KRABD4: variants seen among roughly 807,000 people sequenced by gnomAD.
The protein encoded by KRABD4 is KRAB domain containing 4.
chrX:46,473,468 T>C, the KRABD4 span: 1 of 1,002,211 alleles, frequency 1.0e-6, no homozygotes, highest in Non-Finnish European at 1.4e-6. Flanking sequence ...CAACTCTCAT[T>C]AAACATCAGA....
the KRABD4 span, chrX:46,463,473 C>T: frequency 1.9e-6 from 1 of 518,109 alleles, no homozygotes; most frequent in Non-Finnish European, 3.4e-6. Context: ...CCGCCGGTTA[C>T]AGTCTCTGTG....
the KRABD4 span, chrX:46,455,261 C>T: frequency 3.0e-5 from 28 of 942,700 alleles, no homozygotes; most frequent in African/African-American, 2.5e-4. Context: ...TCTTCATGCT[C>T]GTGCTTCTGT....
chrX:46,450,433 C>G, the KRABD4 span: 3 of 1,198,573 alleles, frequency 2.5e-6, no homozygotes, highest in Non-Finnish European at 3.4e-6. Context: ...CTTTATAGAT[C>G]TCCATCCTTT....
the KRABD4 span, among the ~76,000 whole-genome samples, chrX:46,463,663 A>G: frequency 9.0e-6 from 1 of 111,231 alleles, no homozygotes; most frequent in Non-Finnish European, 1.9e-5. Context: ...TTTTCACCAT[A>G]GTAGATGTAT....
At chrX:46,450,743 C>T in the KRABD4 span, among the ~76,000 whole-genome samples, 2 of 101,715 alleles carry the variant, frequency 2.0e-5, no homozygotes, top group Admixed American at 1.1e-4. Context: ...CACTCTATCA[C>T]CCAGGCTGGA....
chrX:46,456,248 T>TAA, the KRABD4 span: 3 of 109,911 alleles, frequency 2.7e-5, no homozygotes, highest in Non-Finnish European at 5.6e-5. Flanking sequence ...TTAAATGGGA[T>TAA]AAATAATCAT....
At chrX:46,474,561 CAG>C in the KRABD4 span, 8 of 111,867 alleles carry the variant, frequency 7.2e-5, no homozygotes, top group African/African-American at 2.3e-4. Flanking sequence ...AAAAAGCTCT[CAG>C]ATATCATTTC....
chrX:46,457,129 C>T, the KRABD4 span: 1 of 370,014 alleles, frequency 2.7e-6, no homozygotes, highest in Non-Finnish European at 4.9e-6. Flanking sequence ...GTCTGTGTGT[C>T]CCGGATCCTG....
the KRABD4 span, among the ~76,000 whole-genome samples, chrX:46,457,702 C>T: frequency 1.0e-5 from 1 of 96,922 alleles, no homozygotes; most frequent in Non-Finnish European, 2.0e-5. Flanking sequence ...ATATGCTCCT[C>T]CTATGCTTTT....
the KRABD4 span, chrX:46,455,491 A>G: frequency 1.0e-4 from 43 of 430,131 alleles, no homozygotes; most frequent in East Asian, 1.8e-3. Flanking sequence ...GTATTTCTTC[A>G]TAGCAGTTTG....
the KRABD4 span, among the ~76,000 whole-genome samples, chrX:46,462,212 A>G: frequency 8.9e-6 from 1 of 112,243 alleles, no homozygotes; most frequent in Non-Finnish European, 1.9e-5. Context: ...CATAAGAACA[A>G]TTATATGAGA....
At chrX:46,458,300 A>G in the KRABD4 span, among the ~76,000 whole-genome samples, 1 of 112,408 alleles carries the variant, frequency 8.9e-6, no homozygotes, top group African/African-American at 3.2e-5. Flanking sequence ...GTATGTAGAA[A>G]AAACACCAAA....
At chrX:46,473,389 CATA>C in the KRABD4 span, 2 of 1,198,075 alleles carry the variant, frequency 1.7e-6, no homozygotes, top group African/African-American at 3.5e-5. Context: ...TCTGATTAAA[CATA>C]AGAAAATTCA....
chrX:46,470,000 T>C, the KRABD4 span, among the ~76,000 whole-genome samples: 1 of 111,212 alleles, frequency 9.0e-6, no homozygotes, highest in Non-Finnish European at 1.9e-5. Flanking sequence ...ATTGATATTA[T>C]TGGATTTGCA....
the KRABD4 span, among the ~76,000 whole-genome samples, chrX:46,457,770 A>G: frequency 2.8e-5 from 3 of 106,473 alleles, no homozygotes; most frequent in African/African-American, 1.0e-4. Flanking sequence ...TTTGAGATGG[A>G]GTTTCGCTGT....
chrX:46,455,091 T>C, the KRABD4 span: 1,395 of 470,441 alleles, frequency 3.0e-3, 2 homozygotes, highest in Middle Eastern at 4.0e-3. Flanking sequence ...CTGAATTCAT[T>C]GATGGTTCTG....
At chrX:46,457,675 G>C in the KRABD4 span, among the ~76,000 whole-genome samples, 311 of 104,576 alleles carry the variant, frequency 3.0e-3, 2 homozygotes, top group African/African-American at 0.011. Context: ...ATTTTGCATG[G>C]GTTGTTTTTA....
At chrX:46,449,770 T>G in the KRABD4 span, among the ~76,000 whole-genome samples, 1 of 112,196 alleles carries the variant, frequency 8.9e-6, no homozygotes, top group Non-Finnish European at 1.9e-5. Context: ...TTTTTTTGTT[T>G]ATTTGTTTTT....
chrX:46,466,579 T>A, the KRABD4 span, among the ~76,000 whole-genome samples: 1 of 112,479 alleles, frequency 8.9e-6, no homozygotes, highest in Non-Finnish European at 1.9e-5. Context: ...TCCATATTTG[T>A]TAGTACTTTA....
Sources: gnomAD v4.1 joint callset for allele counts (sites outside exome capture counted in the v4.1 genomes callset) on GRCh38, gnomAD v4.1.1 for gene constraint, MANE v1.5 for transcripts, NCBI Gene and HGNC (gene_info 2026-07-23, HGNC 2026-07-21) for gene names.